Variants in TMEM86B observed in about 807,000 individuals in gnomAD.
TMEM86B encodes the protein transmembrane protein 86B.
Under a neutral mutation model 12.3 loss-of-function variants are expected in TMEM86B, and 15 were observed. The observed-to-expected ratio is 1.22, with a 90% CI of 0.81 to 1.87. TMEM86B has a LOEUF of 1.87. Among genes scored for constraint, TMEM86B ranks in the 40% most tolerant of loss-of-function variants. TMEM86B has a pLI of 0.00. For synonymous variants in TMEM86B, 173 were observed against 140.3 expected, an observed-to-expected ratio of 1.23 and a Z score of -1.65; for missense variants, 328 against 297.4, an observed-to-expected ratio of 1.10 and a Z score of -0.76.
At chr19:55,228,662 G>T (rs776657693) in intron 1 of TMEM86B, 29 bp downstream of exon 1, 4 of 1,602,208 alleles carry the variant, frequency 2.5e-6, no homozygotes, top group Middle Eastern at 1.7e-4. Flanking sequence ...TGTCCCCCCA[G>T]CCCCAGGCAC....
chr19:55,228,247 A>G lies in TMEM86B; in HGVS notation c.242T>C (p.Leu81Pro). Residue 81 changes from leucine (L) to proline (P), a missense_variant, in exon 2 of 3, where the codon CTT (leucine) becomes CCT (proline). Leu to Pro is a moderately conservative substitution (Grantham distance 98). Coordinates refer to ENST00000327042, the MANE Select transcript of TMEM86B (RefSeq NM_173804.5). ...AGCGTCCCCCACAGCCGAGCACACA[A>G]GGGCTCCCTGGAGGAGCTGGGTGTA... Reference protein sequence around the residue: ...GGYTQLLQGALVCSAVGDACL... With the variant: ...GGYTQLLQGAPVCSAVGDACL... 3 of 1,612,614 alleles carry G rather than the reference A, an allele frequency of 1.9e-6. No individual in the cohort carries two copies. The highest frequency in any genetic ancestry group is 2.5e-6 in the Non-Finnish European group (3 of 1,179,648).
At chr19:55,227,828 C>T (rs576265898) in intron 2 of TMEM86B, 23 of 597,602 alleles carry the variant, frequency 3.8e-5, no homozygotes, top group Non-Finnish European at 6.3e-5. Context: ...TGCTGGGCTA[C>T]AAGCACCTGA....
At position 55,227,407 on chromosome 19, in the gene TMEM86B, G is replaced by A; in HGVS notation, c.455C>T (p.Ala152Val). Residue 152 changes from alanine (A) to valine (V), a missense_variant, in exon 3 of 3, where the codon GCA becomes GTA. By Grantham distance (64) the Ala-to-Val change is moderately conservative. Coordinates refer to ENST00000327042, the MANE Select transcript of TMEM86B (RefSeq NM_173804.5). ...HLEPDMVLPVAAYGLILMAML... is the reference protein window; with the variant it reads ...HLEPDMVLPVVAYGLILMAML... ...GGCCATCAGGATCAGCCCATAGGCT[G>A]CCACCGGCAGGACCATATCCGGCTC... 1 of 1,583,202 alleles carries A rather than the reference G, an allele frequency of 6.3e-7. No individual in the cohort carries two copies. The highest frequency in any genetic ancestry group is 8.6e-7 in the Non-Finnish European group (1 of 1,164,616).
At position 55,226,938 on chromosome 19, in the gene TMEM86B, T is replaced by A. The variant is rs2087286574; in HGVS notation, c.*243A>T. On this transcript the variant is annotated 3_prime_UTR_variant, in exon 3 of 3. Transcript: ENST00000327042. The stretch of plus-strand genomic sequence containing the variant: ...TGGCTGGGAGGGCTCCATGTGGGCC[T>A]GGCTGAGGAGCCAGGGATCTGGAGT... 2.5e-6 allele frequency: 1 copy of A among 401,996 alleles called. No homozygotes were observed. The highest frequency in any genetic ancestry group is 2.1e-5 in the African/African-American group (1 of 48,666). 24.9% of individuals were successfully genotyped at this position (401,996 alleles called of 1,614,324 possible).
Position 55,227,282 on chromosome 19 carries a change from G to A in TMEM86B, c.580C>T (p.Pro194Ser). The A allele has an allele frequency of 6.2e-7, 1 of 1,608,258 alleles. No homozygotes were observed. ...ATCACCAGGTGGGCATGGGGCAGGG[G>A]CTGGGCGAAGGTGTCCCAGGCCAGC... Reference protein sequence around the residue: ...GVLAWDTFAQPLPHAHLVIMT... With the variant: ...GVLAWDTFAQSLPHAHLVIMT... The change falls in exon 3 of 3, where the codon CCC (proline) becomes TCC (serine). Residue 194 changes from proline to serine, a missense_variant. Physicochemically the swap from Pro to Ser is moderately conservative, Grantham distance 74. Transcript: ENST00000327042.
chr19:55,228,467 A>C (rs759363931), intron 1 of TMEM86B, 30 bp from the exon 2 acceptor site: 2 of 1,606,166 alleles, frequency 1.2e-6, no homozygotes, highest in South Asian at 2.2e-5. Flanking sequence ...ACTGAGCCGA[A>C]ACCCAGCCCA....
In TMEM86B at chr19:55,227,266, T is replaced by A. The variant is rs4644955; in HGVS notation, c.596A>T (p.His199Leu). 1.2e-6 allele frequency: 2 copies of A among 1,604,888 alleles called. No homozygotes were observed. The highest frequency in any genetic ancestry group is 4.5e-5 in the East Asian group (2 of 44,588). Reference sequence around the variant, plus strand: ...ATAGTAGGTGGTCATGATCACCAGGTGGGCATGGGGCAGGGGCTGGGCGAA... The same window carrying A: ...ATAGTAGGTGGTCATGATCACCAGGAGGGCATGGGGCAGGGGCTGGGCGAA... ...DTFAQPLPHA[H>L]LVIMTTYYAA... Residue 199 changes from histidine (H) to leucine (L), a missense_variant, in exon 3 of 3, where the codon CAC (histidine) becomes CTC (leucine). By Grantham distance (99) the His-to-Leu change is moderately conservative. Transcript: ENST00000327042.
chr19:55,228,182 T>A lies in TMEM86B; in HGVS notation c.298+9A>T. ...GCATCTGGAAAGCGTCACAGCACCT[T>A]CCACTCACCAGGGACGAAGGCTGCC... is the stretch of plus-strand genomic sequence containing the variant. On this transcript the variant is annotated intron_variant, in intron 2 of 2. Transcript: ENST00000327042. The A allele has an allele frequency of 6.2e-7, 1 of 1,605,844 alleles. No individual in the cohort carries two copies. The highest frequency in any genetic ancestry group is 8.5e-7 in the Non-Finnish European group (1 of 1,176,978).
rs1389832898 is a variant in TMEM86B at position 55,227,526 on chromosome 19, G to A, written c.336C>T (p.Val112=). Residue 112 remains valine, a synonymous_variant, in exon 3 of 3, where the codon GTC becomes GTT. Coordinates refer to ENST00000327042, the MANE Select transcript of TMEM86B (RefSeq NM_173804.5). ...AAFATAHLLY[V]WAFGFSPLQP... is the part of the protein sequence containing the mutation. The stretch of plus-strand genomic sequence containing the variant: ...GCAGGGGAGAGAAGCCGAAGGCCCA[G>A]ACGTAGAGGAGGTGGGCGGTGGCAA... The A allele has an allele frequency of 6.5e-7, 1 of 1,543,978 alleles. No homozygotes were observed. The highest frequency in any genetic ancestry group is 1.4e-5 in the African/African-American group (1 of 72,898).
chr19:55,228,274 C>A lies in TMEM86B; in HGVS notation c.215G>T (p.Gly72Val), dbSNP rs781137549. Residue 72 changes from glycine to valine, a missense_variant, in exon 2 of 3, where the codon GGC becomes GTC. Physicochemically the swap from Gly to Val is moderately radical, Grantham distance 109. Transcript: ENST00000327042. ...GFLWVMSPSG[G>V]YTQLLQGALV... ...GGCTCCCTGGAGGAGCTGGGTGTAG[C>A]CCCCGCTTGGGGACATGACCCACAG... 1.2e-5 allele frequency: 19 copies of A among 1,612,938 alleles called. No homozygotes were observed. In the South Asian group the frequency reaches 2.1e-4, roughly 18 times the overall value.
Position 55,226,689 on chromosome 19 carries a change from C to A in TMEM86B, c.*492G>T. ...CCCCCCGAATCCCCCCACCAGAGGG[C>A]CATGGAGGGTCCCACTGGGCACCAG... On this transcript the variant is annotated 3_prime_UTR_variant, in exon 3 of 3. Transcript: ENST00000327042. 1 of 155,054 alleles carries A rather than the reference C, an allele frequency of 6.4e-6. No homozygotes were observed. The highest frequency in any genetic ancestry group is 1.4e-5 in the Non-Finnish European group (1 of 70,102). The allele number at this position is 155,054 out of a possible 1,614,324, so 9.6% of individuals were successfully genotyped here. A position where few individuals can be genotyped will look rare whatever the true frequency, so the allele number is the denominator to read the frequency against.
rs750601826 is a variant in TMEM86B at position 55,228,758 on chromosome 19, C to T, written c.-17G>A. On this transcript the variant is annotated 5_prime_UTR_variant, in exon 1 of 3. Coordinates refer to ENST00000327042, the MANE Select transcript of TMEM86B (RefSeq NM_173804.5). ...AGCGTCCATGCTGGCCTGATAGCCC[C>T]AGAGCGACCTAATCTGGGAGCGAGT... is the stretch of plus-strand genomic sequence containing the variant. The T allele has an allele frequency of 6.8e-6, 11 of 1,612,442 alleles. No individual in the cohort carries two copies. Among genetic ancestry groups the T allele is most frequent in the African/African-American group, 2.7e-5 (2 of 74,912 alleles).
In TMEM86B at chr19:55,227,099, A is replaced by AAGC. The variant is rs1568939790; in HGVS notation, c.*81_*82insGCT. 2.2e-6 allele frequency: 3 copies of AAGC among 1,350,522 alleles called. No homozygotes were observed. The highest frequency in any genetic ancestry group is 2.9e-6 in the Non-Finnish European group (3 of 1,040,678). The allele number at this position is 1,350,522 out of a possible 1,614,324, so 83.7% of individuals were successfully genotyped here. On this transcript the variant is annotated 3_prime_UTR_variant, in exon 3 of 3. Transcript: ENST00000327042. ...GTCAGGAAGCTTCGCTGCTGAGGGT[A>AAGC]TTTCTCAGGCTGGGCTGGGCTGGGA...
rs3745919 is a variant in TMEM86B, at chr19:55,227,057, G to A, written c.*124C>T. 655,247 of 1,136,288 alleles carry A rather than the reference G, an allele frequency of 0.58. 190,789 individuals carry two copies. Among genetic ancestry groups the A allele is most frequent in the East Asian group, 0.74 (24,054 of 32,618 alleles). The allele number at this position is 1,136,288 out of a possible 1,614,324, so 70.4% of individuals were successfully genotyped here. ...TTCAGCCAGAAGCGACGGCGGCAGC[G>A]GCGCCTGCAGACAGGCGTCAGGAAG... On this transcript the variant is annotated 3_prime_UTR_variant, in exon 3 of 3. Coordinates refer to ENST00000327042, the MANE Select transcript of TMEM86B (RefSeq NM_173804.5).
In TMEM86B at chr19:55,228,396, G is replaced by A. The variant is rs1568940655; in HGVS notation, c.93C>T (p.Ser31=). ...TCCAGAGGCAGAAGTACACGCAGCA[G>A]GAGAGGATGAAGGGGCTCAGCCACC... ...VCRWLSPFIL[S]CCVYFCLWIP... The change falls in exon 2 of 3, where the codon TCC becomes TCT. Residue 31 remains serine (S), a synonymous_variant. Transcript: ENST00000327042. 6.2e-7 allele frequency: 1 copy of A among 1,613,694 alleles called. No individual in the cohort carries two copies. Among genetic ancestry groups the A allele is most frequent in the Middle Eastern group, 1.6e-4 (1 of 6,062 alleles).
At chr19:55,228,602 C>G in intron 1 of TMEM86B, 89 bp downstream of exon 1, 1 of 1,539,034 alleles carries the variant, frequency 6.5e-7, no homozygotes. Context: ...GCCCAACCAA[C>G]TCAAGGACAG....
At position 55,227,261 on chromosome 19, in the gene TMEM86B, C is replaced by G. The variant is rs754767614; in HGVS notation, c.601G>C (p.Val201Leu). The change falls in exon 3 of 3, where the codon GTG (valine) becomes CTG (leucine). Residue 201 changes from valine (V) to leucine (L), a missense_variant. Transcript: ENST00000327042. The part of the protein sequence containing the change: ...FAQPLPHAHL[V>L]IMTTYYAAQL... ...GCAGCATAGTAGGTGGTCATGATCACCAGGTGGGCATGGGGCAGGGGCTGG... is the reference window on the plus strand; with the variant it reads ...GCAGCATAGTAGGTGGTCATGATCAGCAGGTGGGCATGGGGCAGGGGCTGG... 6.2e-7 allele frequency: 1 copy of G among 1,604,718 alleles called. No homozygotes were observed. Among genetic ancestry groups the G allele is most frequent in the East Asian group, 2.2e-5 (1 of 44,642 alleles).
chr19:55,227,303 C>A lies in TMEM86B; in HGVS notation c.559G>T (p.Ala187Ser). The part of the protein sequence containing the change: ...LLFTLSDGVL[A>S]WDTFAQPLPH... ...AGGGGCTGGGCGAAGGTGTCCCAGG[C>A]CAGCACGCCATCAGAGAGCGTGAAG... Residue 187 changes from alanine to serine, a missense_variant, in exon 3 of 3, where the codon GCC (alanine) becomes TCC (serine). Coordinates refer to ENST00000327042, the MANE Select transcript of TMEM86B (RefSeq NM_173804.5). The A allele has an allele frequency of 6.2e-7, 1 of 1,609,460 alleles. No homozygotes were observed. The highest frequency in any genetic ancestry group is 8.5e-7 in the Non-Finnish European group (1 of 1,177,796).
intron 2 of TMEM86B, 105 bp from the exon 3 acceptor site, chr19:55,227,668 C>T (rs1304803834): frequency 7.2e-7 from 1 of 1,382,506 alleles, no homozygotes; most frequent in Non-Finnish European, 9.5e-7. Flanking sequence ...AGCACCAGGC[C>T]CCACCCTGGC....
Sources: gnomAD v4.1 joint callset for allele counts on GRCh38, gnomAD v4.1.1 for gene constraint, MANE v1.5 for transcripts, NCBI Gene and HGNC (gene_info 2026-07-23, HGNC 2026-07-21) for gene names.